The following CFAP299 variants were observed in gnomAD, a reference collection of about 807,000 sequenced individuals.
CFAP299 encodes cilia- and flagella-associated protein 299.
In CFAP299, 21 loss-of-function variants were observed where a neutral mutation model predicts 27.0. That is an observed-to-expected ratio of 0.78 (90% CI 0.55 to 1.12). The LOEUF (loss-of-function observed/expected upper bound fraction) is 1.12. CFAP299 is among the 50% of genes most tolerant of loss of function. The pLI, the probability that CFAP299 is intolerant of heterozygous loss-of-function variation, is 0.00. For synonymous variants in CFAP299, 104 were observed against 98.1 expected, an observed-to-expected ratio of 1.06 and a Z score of -0.36; for missense variants, 310 against 276.6, an observed-to-expected ratio of 1.12 and a Z score of -0.86.
intron 3 of CFAP299, among the ~76,000 whole-genome samples, chr4:80,741,624 A>G (rs1446549856): frequency 6.6e-6 from 1 of 151,974 alleles, no homozygotes; most frequent in Non-Finnish European, 1.5e-5. Context: ...GAGTCACTTT[A>G]ATTGCATGAG....
At chr4:80,752,415 T>TATAC (rs1553956442) in intron 3 of CFAP299, among the ~76,000 whole-genome samples, 2 of 146,706 alleles carry the variant, frequency 1.4e-5, no homozygotes, top group African/African-American at 5.0e-5. Context: ...TATATATATA[T>TATAC]ACACATATAT....
chr4:80,782,562 T>G (rs1162162868), intron 3 of CFAP299, among the ~76,000 whole-genome samples: 1 of 143,614 alleles, frequency 7.0e-6, no homozygotes, highest in Non-Finnish European at 1.5e-5. Context: ...TATTGATATA[T>G]AATATACATA....
At position 80,871,436 on chromosome 4, in the gene CFAP299, AT is replaced by A. The variant is rs1578202427; in HGVS notation, c.476+1303del. ...TTTAGGAAATTTCACAAAACTGTGG[AT>A]TGCTGTGCTAATAACTTATGGTTTC... On this transcript the variant is annotated intron_variant, in intron 4 of 5. Transcript: ENST00000358105. 7.1e-6 allele frequency: 7 copies of A among 985,422 alleles called. No homozygotes were observed. In the East Asian group the frequency reaches 3.4e-4, roughly 48 times the overall value. The allele number at this position is 985,422 out of a possible 1,614,324, so 61.0% of individuals were successfully genotyped here. A position where few individuals can be genotyped will look rare whatever the true frequency, so the allele number is the denominator to read the frequency against.
chr4:80,380,424 T>G (rs1318340132), intron 2 of CFAP299, among the ~76,000 whole-genome samples: 1 of 135,262 alleles, frequency 7.4e-6, no homozygotes, highest in South Asian at 2.3e-4. Flanking sequence ...TGTCTCACAT[T>G]TTTTTTTTTT....
chr4:80,523,806 C>G (rs1226426261), intron 2 of CFAP299, among the ~76,000 whole-genome samples: 1 of 152,024 alleles, frequency 6.6e-6, no homozygotes, highest in Non-Finnish European at 1.5e-5. Flanking sequence ...TTGTGTGAAC[C>G]ACTCCCTCAT....
At chr4:80,414,745 A>T (rs953541039) in intron 2 of CFAP299, among the ~76,000 whole-genome samples, 1 of 152,170 alleles carries the variant, frequency 6.6e-6, no homozygotes. Flanking sequence ...ACTCCATTTT[A>T]TACTTCTATT....
rs574682803 is a variant in CFAP299 at position 80,944,957 on chromosome 4, C to T, written c.606+18C>T. On this transcript the variant is annotated intron_variant, in intron 5 of 5. Coordinates refer to ENST00000358105, the MANE Select transcript of CFAP299 (RefSeq NM_152770.3). ...ACCCAAAGGTAATTCTTCTTTTACA[C>T]TTAGTTAGTTACCTCTTCACATGTT... 2.5e-6 allele frequency: 4 copies of T among 1,603,236 alleles called. No individual in the cohort carries two copies. Among genetic ancestry groups the T allele is most frequent in the African/African-American group, 2.7e-5 (2 of 74,554 alleles).
intron 2 of CFAP299, among the ~76,000 whole-genome samples, chr4:80,567,909 T>C (rs1735389672): frequency 1.3e-5 from 2 of 151,688 alleles, no homozygotes; most frequent in Non-Finnish European, 2.9e-5. Flanking sequence ...TATATCCTAA[T>C]ACAATGTATA....
intron 3 of CFAP299, among the ~76,000 whole-genome samples, chr4:80,624,373 G>A (rs1275149021): frequency 6.6e-6 from 1 of 151,700 alleles, no homozygotes. Context: ...TCAATAGATG[G>A]CATCAACAGC....
At chr4:80,420,100 G>C (rs1055796497) in intron 2 of CFAP299, 12 of 429,910 alleles carry the variant, frequency 2.8e-5, no homozygotes, top group Admixed American at 9.8e-5. Context: ...GATCATGGGA[G>C]GGGGAGAAGA....
Position 80,369,269 on chromosome 4 carries a change from C to T in CFAP299, c.242+6385C>T, listed in dbSNP as rs189607945. 5.3e-5 allele frequency among the ~76,000 whole-genome samples: 8 copies of T among 152,330 alleles called. No homozygotes were observed. The East Asian group carries it at 1.5e-3, about 29-fold the overall frequency. On this transcript the variant is annotated intron_variant, in intron 2 of 5. Coordinates refer to ENST00000358105, the MANE Select transcript of CFAP299 (RefSeq NM_152770.3). Reference sequence around the variant, plus strand: ...TTGTAACATACAGATCTACTTCATGCGCACATGGAGCAGCTCCTCCAGAGC... The same window carrying T: ...TTGTAACATACAGATCTACTTCATGTGCACATGGAGCAGCTCCTCCAGAGC...
chr4:80,630,824 G>A (rs1262691768), intron 3 of CFAP299, among the ~76,000 whole-genome samples: 1 of 151,964 alleles, frequency 6.6e-6, no homozygotes, highest in African/African-American at 2.4e-5. Flanking sequence ...AGACAGACTT[G>A]TAAATTATTT....
intron 3 of CFAP299, among the ~76,000 whole-genome samples, chr4:80,800,422 A>T (rs1246334138): frequency 1.6e-5 from 1 of 61,508 alleles, no homozygotes; most frequent in African/African-American, 7.0e-5. Flanking sequence ...TATTAATATA[A>T]TATATATAAT....
chr4:80,576,241 A>G (rs1034462672), intron 2 of CFAP299, among the ~76,000 whole-genome samples: 11 of 149,990 alleles, frequency 7.3e-5, no homozygotes, highest in Admixed American at 5.3e-4. Flanking sequence ...TAGTTTCTTC[A>G]TTGACCCACT....
intron 2 of CFAP299, among the ~76,000 whole-genome samples, chr4:80,439,291 C>A (rs1205551908): frequency 6.6e-6 from 1 of 152,210 alleles, no homozygotes; most frequent in African/African-American, 2.4e-5. Context: ...CAGTCTGCAG[C>A]TCCCAGGGAG....
At chr4:80,713,887 T>C (rs1248388359) in intron 3 of CFAP299, among the ~76,000 whole-genome samples, 1 of 152,304 alleles carries the variant, frequency 6.6e-6, no homozygotes, top group East Asian at 1.9e-4. Flanking sequence ...TGCATTTGGT[T>C]CATAAAGACA....
chr4:80,901,738 A>T (rs537356661), intron 4 of CFAP299, among the ~76,000 whole-genome samples: 23 of 152,218 alleles, frequency 1.5e-4, no homozygotes, highest in Admixed American at 1.2e-3. Flanking sequence ...AATTGGTTCA[A>T]TCACTTCATT....
chr4:80,871,430 C>CTG (rs1410106896), intron 4 of CFAP299: 1 of 985,320 alleles, frequency 1.0e-6, no homozygotes, highest in African/African-American at 1.7e-5. Flanking sequence ...TTTCACAAAA[C>CTG]TGTGGATTGC....
intron 4 of CFAP299, among the ~76,000 whole-genome samples, chr4:80,874,316 G>A (rs933831747): frequency 7.9e-5 from 12 of 152,096 alleles, no homozygotes; most frequent in African/African-American, 2.2e-4. Context: ...GAGACTTGCC[G>A]CAACTACCTA....
Sources: allele counts gnomAD v4.1 joint callset (sites outside exome capture counted in the v4.1 genomes callset), GRCh38; gene constraint gnomAD v4.1.1; transcripts MANE v1.5; gene names NCBI Gene and HGNC (gene_info 2026-07-23, HGNC 2026-07-21).